LRFN2: variants seen among roughly 807,000 people sequenced by gnomAD.
LRFN2 encodes the protein leucine rich repeat and fibronectin type III domain containing 2.
LRFN2 carries 18 observed loss-of-function variants against 37.3 expected under a neutral mutation model. That is an observed-to-expected ratio of 0.48 (90% CI 0.33 to 0.72). The LOEUF (loss-of-function observed/expected upper bound fraction) is 0.72, where lower values mean the gene tolerates loss of function less well. LRFN2 is among the 30% of genes least tolerant of loss of function. The pLI is 0.02. For synonymous variants in LRFN2, 556 were observed against 466.6 expected, an observed-to-expected ratio of 1.19 and a Z score of -2.47; for missense variants, 1,006 against 1,060.7, an observed-to-expected ratio of 0.95 and a Z score of 0.72.
chr6:40,573,983 C>G (rs983744628), intron 1 of LRFN2, among the ~76,000 whole-genome samples: 2 of 152,130 alleles, frequency 1.3e-5, no homozygotes, highest in Non-Finnish European at 2.9e-5. Flanking sequence ...AACAAACAAA[C>G]AAACCACAAC....
chr6:40,398,326 G>T (rs536597105), intron 2 of LRFN2, among the ~76,000 whole-genome samples: 8 of 151,914 alleles, frequency 5.3e-5, no homozygotes, highest in Non-Finnish European at 1.0e-4. Context: ...GAATTTGGTT[G>T]AGAAACAGAA....
chr6:40,494,178 G>A (rs1257481098), intron 1 of LRFN2, among the ~76,000 whole-genome samples: 2 of 152,194 alleles, frequency 1.3e-5, no homozygotes, highest in Non-Finnish European at 2.9e-5. Context: ...ACAGGACATC[G>A]GTTTCCATTC....
At chr6:40,521,401 T>C (rs1294349716) in intron 1 of LRFN2, among the ~76,000 whole-genome samples, 3 of 152,174 alleles carry the variant, frequency 2.0e-5, no homozygotes, top group Non-Finnish European at 4.4e-5. Context: ...GGGGCTTCTT[T>C]GACAATTTGA....
intron 1 of LRFN2, among the ~76,000 whole-genome samples, chr6:40,434,095 C>T (rs1217724410): frequency 6.6e-6 from 1 of 152,206 alleles, no homozygotes; most frequent in Non-Finnish European, 1.5e-5. Flanking sequence ...CAACTAATCC[C>T]TATCTATGTT....
At chr6:40,543,213 A>T (rs1173368498) in intron 1 of LRFN2, among the ~76,000 whole-genome samples, 1 of 152,232 alleles carries the variant, frequency 6.6e-6, no homozygotes, top group Non-Finnish European at 1.5e-5. Context: ...TCCCTGCTTT[A>T]TAGCGCAGAG....
At chr6:40,417,968 G>T (rs1021344125) in intron 2 of LRFN2, among the ~76,000 whole-genome samples, 7 of 152,254 alleles carry the variant, frequency 4.6e-5, no homozygotes, top group African/African-American at 1.7e-4. Flanking sequence ...TCTCCAACCA[G>T]CAGCAGAATC....
intron 1 of LRFN2, among the ~76,000 whole-genome samples, chr6:40,533,828 G>A (rs1190727613): frequency 6.6e-6 from 1 of 152,188 alleles, no homozygotes; most frequent in Non-Finnish European, 1.5e-5. Flanking sequence ...AGAGAGGGAA[G>A]GTCTCTACCT....
chr6:40,430,104 T>G (rs1763445227), intron 2 of LRFN2, among the ~76,000 whole-genome samples: 1 of 152,246 alleles, frequency 6.6e-6, no homozygotes, highest in Non-Finnish European at 1.5e-5. Context: ...TTTGACTATA[T>G]GCCCCTATCT....
At chr6:40,404,301 T>C (rs1017895452) in intron 2 of LRFN2, among the ~76,000 whole-genome samples, 1 of 150,534 alleles carries the variant, frequency 6.6e-6, no homozygotes, top group African/African-American at 2.4e-5. Context: ...TTGTTTTTTG[T>C]TTTTTTTTGC....
intron 1 of LRFN2, among the ~76,000 whole-genome samples, chr6:40,433,839 C>A (rs1561853573): frequency 6.6e-6 from 1 of 152,046 alleles, no homozygotes; most frequent in East Asian, 1.9e-4. Context: ...GAATTCTGAA[C>A]CCTTCATAAG....
intron 1 of LRFN2, among the ~76,000 whole-genome samples, chr6:40,481,606 T>C (rs947735817): frequency 1.3e-5 from 2 of 152,150 alleles, no homozygotes; most frequent in Non-Finnish European, 2.9e-5. Context: ...AAGGCACCTT[T>C]GAGAAACTGA....
intron 2 of LRFN2, among the ~76,000 whole-genome samples, chr6:40,428,328 C>T (rs1186935131): frequency 6.6e-6 from 1 of 152,180 alleles, no homozygotes; most frequent in African/African-American, 2.4e-5. Flanking sequence ...GACTAAAAAG[C>T]CCTCTATGGC....
At chr6:40,544,401 C>T (rs370868115) in intron 1 of LRFN2, among the ~76,000 whole-genome samples, 3 of 152,330 alleles carry the variant, frequency 2.0e-5, no homozygotes, top group Admixed American at 6.5e-5. Flanking sequence ...TGTTTCCCAA[C>T]CCCTCTTCTA....
intron 2 of LRFN2, among the ~76,000 whole-genome samples, chr6:40,430,547 G>C (rs1763454911): frequency 6.6e-6 from 1 of 152,216 alleles, no homozygotes; most frequent in African/African-American, 2.4e-5. Flanking sequence ...TGTCCTTCAT[G>C]TTTCATATAA....
At chr6:40,517,607 A>G (rs1765921395) in intron 1 of LRFN2, 1 of 152,098 alleles carries the variant, frequency 6.6e-6, no homozygotes, top group Non-Finnish European at 1.5e-5. Context: ...TCATTTTGGA[A>G]CCTTCATGCT....
intron 1 of LRFN2, among the ~76,000 whole-genome samples, chr6:40,536,360 T>A (rs1161937688): frequency 6.6e-6 from 1 of 152,180 alleles, no homozygotes; most frequent in Non-Finnish European, 1.5e-5. Context: ...GTACTTCTAG[T>A]CTGAGAGAAG....
intron 1 of LRFN2, among the ~76,000 whole-genome samples, chr6:40,461,058 A>G (rs1764337425): frequency 6.6e-6 from 1 of 152,136 alleles, no homozygotes; most frequent in South Asian, 2.1e-4. Context: ...GGAAGCATAC[A>G]CTATATACCA....
intron 1 of LRFN2, among the ~76,000 whole-genome samples, chr6:40,442,874 C>A (rs751204942): frequency 6.6e-6 from 1 of 152,164 alleles, no homozygotes; most frequent in South Asian, 2.1e-4. Flanking sequence ...GGCCACGCTG[C>A]GTCTCTTGAG....
chr6:40,540,314 G>A (rs146822683), intron 1 of LRFN2, among the ~76,000 whole-genome samples: 183 of 152,278 alleles, frequency 1.2e-3, no homozygotes, highest in African/African-American at 4.0e-3. Flanking sequence ...AGGCCAGCCC[G>A]TCCCTCCTCT....
Sources: allele counts gnomAD v4.1 joint callset (sites outside exome capture counted in the v4.1 genomes callset), GRCh38; gene constraint gnomAD v4.1.1; transcripts MANE v1.5; gene names NCBI Gene and HGNC (gene_info 2026-07-23, HGNC 2026-07-21).